ERBB4: variants seen among roughly 807,000 people sequenced by gnomAD.
ERBB4 encodes the protein erb-b2 receptor tyrosine kinase 4.
In ERBB4, 42 loss-of-function variants were observed where a neutral mutation model predicts 158.0. That is an observed-to-expected ratio of 0.27 (90% CI 0.21 to 0.34). The LOEUF (loss-of-function observed/expected upper bound fraction) is 0.34. ERBB4 is among the 10% of genes least tolerant of loss of function. The probability of loss-of-function intolerance (pLI) is 1.00; values close to 1 mark genes in which losing one functional copy is unlikely to be tolerated. For synonymous variants in ERBB4, 583 were observed against 558.7 expected, an observed-to-expected ratio of 1.04 and a Z score of -0.61; for missense variants, 1,333 against 1,624.1, an observed-to-expected ratio of 0.82 and a Z score of 3.08.
rs990201470 is a variant in ERBB4 at position 212,373,921 on chromosome 2, A to G, written c.82+164528T>C. ...TATATATCCATGTATATATCCATATATATATATCCATATATATCCATATAT... is the reference window on the plus strand; with the variant it reads ...TATATATCCATGTATATATCCATATGTATATATCCATATATATCCATATAT... On this transcript the variant is annotated intron_variant, in intron 1 of 27. Transcript: ENST00000342788. Among the ~76,000 whole-genome samples, 4 of 75,326 alleles carry G rather than the reference A, an allele frequency of 5.3e-5. 1 individual carries two copies. The highest frequency in any genetic ancestry group is 2.5e-4 in the African/African-American group (3 of 11,856). 49.4% of individuals were successfully genotyped at this position (75,326 alleles called of 152,430 possible).
At chr2:212,247,199 G>T (rs2084340691) in intron 1 of ERBB4, among the ~76,000 whole-genome samples, 1 of 152,096 alleles carries the variant, frequency 6.6e-6, no homozygotes, top group African/African-American at 2.4e-5. Flanking sequence ...ATGCCTTATT[G>T]TATCTTCCAA....
chr2:212,069,114 A>C (rs2078032648), intron 2 of ERBB4, among the ~76,000 whole-genome samples: 1 of 152,054 alleles, frequency 6.6e-6, no homozygotes, highest in Non-Finnish European at 1.5e-5. Flanking sequence ...ACCCAGTCTG[A>C]GGTATGTCTT....
intron 27 of ERBB4, 58 bp from the exon 28 acceptor site, chr2:211,384,118 C>A: frequency 8.2e-7 from 1 of 1,226,228 alleles, no homozygotes. Flanking sequence ...TTAATCAGAC[C>A]AAGGTTATAC....
At chr2:212,142,316 C>G (rs1210122234) in intron 1 of ERBB4, among the ~76,000 whole-genome samples, 1 of 151,850 alleles carries the variant, frequency 6.6e-6, no homozygotes, top group African/African-American at 2.4e-5. Flanking sequence ...AAGTACTTGA[C>G]CCATAGTAGG....
At chr2:212,198,246 A>G (rs1437967799) in intron 1 of ERBB4, among the ~76,000 whole-genome samples, 4 of 152,222 alleles carry the variant, frequency 2.6e-5, no homozygotes, top group Admixed American at 2.6e-4. Context: ...ATCCATTTTT[A>G]GATGTACAAT....
intron 1 of ERBB4, among the ~76,000 whole-genome samples, chr2:212,437,127 A>G (rs1168231611): frequency 2.0e-5 from 3 of 152,092 alleles, no homozygotes; most frequent in Admixed American, 6.6e-5. Context: ...ACCAAATGTA[A>G]GGTAAAAGAA....
At chr2:211,508,143 T>C (rs994525225) in intron 20 of ERBB4, among the ~76,000 whole-genome samples, 1 of 151,976 alleles carries the variant, frequency 6.6e-6, no homozygotes, top group Admixed American at 6.6e-5. Flanking sequence ...TGGGATCTAA[T>C]CAAACTAAAG....
intron 1 of ERBB4, among the ~76,000 whole-genome samples, chr2:212,452,661 A>C (rs1250755193): frequency 6.6e-6 from 1 of 152,190 alleles, no homozygotes; most frequent in Non-Finnish European, 1.5e-5. Context: ...AATATGTATA[A>C]AAATAGAGCT....
At chr2:212,230,128 T>C (rs1559798294) in intron 1 of ERBB4, among the ~76,000 whole-genome samples, 1 of 151,926 alleles carries the variant, frequency 6.6e-6, no homozygotes, top group Non-Finnish European at 1.5e-5. Context: ...CTACTAAAAA[T>C]ACAAAAATTA....
chr2:211,626,542 GAT>G (rs2069850626), intron 17 of ERBB4, among the ~76,000 whole-genome samples: 2 of 152,098 alleles, frequency 1.3e-5, no homozygotes, highest in South Asian at 2.1e-4. Context: ...CTAAGAAAAA[GAT>G]AGGGATTCTA....
At chr2:211,782,089 G>A (rs906983171) in intron 4 of ERBB4, among the ~76,000 whole-genome samples, 2 of 152,170 alleles carry the variant, frequency 1.3e-5, no homozygotes, top group Non-Finnish European at 2.9e-5. Flanking sequence ...AGGGGAGGAA[G>A]TAAGGGGGCC....
At chr2:212,062,057 T>TA (rs914117743) in intron 2 of ERBB4, among the ~76,000 whole-genome samples, 1 of 152,148 alleles carries the variant, frequency 6.6e-6, no homozygotes, top group Non-Finnish European at 1.5e-5. Flanking sequence ...TTTATACTGT[T>TA]AAAAAAATCT....
chr2:211,745,215 T>A (rs961834591), intron 5 of ERBB4, among the ~76,000 whole-genome samples: 1 of 152,308 alleles, frequency 6.6e-6, no homozygotes. Flanking sequence ...GTGTTACAAC[T>A]GTATGGGGTC....
At chr2:211,858,249 G>A (rs987538322) in intron 3 of ERBB4, among the ~76,000 whole-genome samples, 1 of 152,154 alleles carries the variant, frequency 6.6e-6, no homozygotes, top group Non-Finnish European at 1.5e-5. Flanking sequence ...AAGATGACTT[G>A]GCTGATGCAC....
intron 20 of ERBB4, among the ~76,000 whole-genome samples, chr2:211,512,722 A>G (rs2065912653): frequency 6.6e-6 from 1 of 152,144 alleles, no homozygotes; most frequent in African/African-American, 2.4e-5. Flanking sequence ...AATTCTTTAA[A>G]AGGGCATATT....
intron 1 of ERBB4, among the ~76,000 whole-genome samples, chr2:212,347,560 C>T (rs142691085): frequency 7.8e-4 from 119 of 152,220 alleles, no homozygotes; most frequent in African/African-American, 2.7e-3. Context: ...CCAGGTTGAG[C>T]ATCCCTTATT....
intron 20 of ERBB4, among the ~76,000 whole-genome samples, chr2:211,504,609 C>T (rs1197667642): frequency 1.3e-5 from 2 of 151,966 alleles, no homozygotes; most frequent in African/African-American, 4.8e-5. Flanking sequence ...TGGATCCTAA[C>T]CAAAATGAAA....
At chr2:211,531,750 G>A (rs933728161) in intron 20 of ERBB4, among the ~76,000 whole-genome samples, 1 of 152,070 alleles carries the variant, frequency 6.6e-6, no homozygotes, top group African/African-American at 2.4e-5. Flanking sequence ...GAACAGTTTG[G>A]AGGTTCCTCA....
At chr2:212,283,979 T>C (rs2085858871) in intron 1 of ERBB4, among the ~76,000 whole-genome samples, 1 of 152,052 alleles carries the variant, frequency 6.6e-6, no homozygotes, top group Non-Finnish European at 1.5e-5. Context: ...TCTGTGTTAT[T>C]CTTTCTGTGA....
Sources: allele counts gnomAD v4.1 joint callset (sites outside exome capture counted in the v4.1 genomes callset), GRCh38; gene constraint gnomAD v4.1.1; transcripts MANE v1.5; gene names NCBI Gene and HGNC (gene_info 2026-07-23, HGNC 2026-07-21).